The following HEG1 variants were observed in gnomAD, a reference collection of about 807,000 sequenced individuals.
The protein encoded by HEG1 is protein HEG homolog 1.
HEG1 carries 56 observed loss-of-function variants against 125.6 expected under a neutral mutation model. The observed-to-expected ratio is 0.45, with a 90% CI of 0.36 to 0.56. The LOEUF (loss-of-function observed/expected upper bound fraction) is 0.56. HEG1 is among the 20% of genes least tolerant of loss of function. The pLI, the probability that HEG1 is intolerant of heterozygous loss-of-function variation, is 0.00. For synonymous variants in HEG1, 644 were observed against 668.5 expected (o/e 0.96, Z 0.57); for missense variants, 1,523 against 1,670.0 (o/e 0.91, Z 1.53).
In HEG1 at chr3:124,969,232, A is replaced by T. The variant is rs1936380364; in HGVS notation, c.*1420T>A. The T allele has an allele frequency of 6.6e-6, 1 of 152,050 alleles. No individual in the cohort carries two copies. The highest frequency in any genetic ancestry group is 2.4e-5 in the African/African-American group (1 of 41,372). 9.4% of individuals were successfully genotyped at this position (152,050 alleles called of 1,614,324 possible). A position where few individuals can be genotyped will look rare whatever the true frequency, so the allele number is the denominator to read the frequency against. On this transcript the variant is annotated 3_prime_UTR_variant, in exon 17 of 17. Transcript: ENST00000311127. ...GATGCCCCAAAGAAGGCCAATAAAC[A>T]CAGTTCCCCAGGTGGCAATTAAAGA... is the stretch of plus-strand genomic sequence containing the variant.
chr3:124,995,528 A>G (rs1311466292), intron 12 of HEG1, among the ~76,000 whole-genome samples: 2 of 152,202 alleles, frequency 1.3e-5, no homozygotes, highest in Non-Finnish European at 2.9e-5. Flanking sequence ...AGTGATTTAG[A>G]AAACACACAC....
Position 125,001,872 on chromosome 3 carries a change from G to A in HEG1, c.3497C>T (p.Ser1166Phe), listed in dbSNP as rs1937004865. ...SSAEVCQLLG[S>F]QRRIFRAGSL... ...CTTACCTCTAAAGATCCGCCTCTGA[G>A]ATCCCAAGAGCTGGCAGACCTCAGC... is the stretch of plus-strand genomic sequence containing the variant. Residue 1166 changes from serine to phenylalanine, a missense_variant, in exon 11 of 17, where the codon TCT becomes TTT. By Grantham distance (155) the Ser-to-Phe change is radical (BLOSUM62 -2). Coordinates refer to ENST00000311127, the MANE Select transcript of HEG1 (RefSeq NM_020733.2). 1.2e-6 allele frequency: 2 copies of A among 1,613,220 alleles called. No homozygotes were observed. The highest frequency in any genetic ancestry group is 2.7e-5 in the African/African-American group (2 of 74,932).
intron 1 of HEG1, among the ~76,000 whole-genome samples, chr3:125,048,081 A>G (rs1419146154): frequency 6.6e-6 from 1 of 152,214 alleles, no homozygotes; most frequent in Non-Finnish European, 1.5e-5. Context: ...CCCCCGAGAC[A>G]TCCCAGGAAT....
At position 125,013,895 on chromosome 3, in the gene HEG1, T is replaced by A. The variant is rs114681156; in HGVS notation, c.1684A>T (p.Thr562Ser). 3,131 of 1,613,782 alleles carry A rather than the reference T, an allele frequency of 1.9e-3. 44 individuals are homozygous for A. In the African/African-American group the frequency reaches 0.035, roughly 18 times the overall value. The part of the protein sequence containing the change: ...TDHTYLSSTF[T>S]KGERALLSIT... ...GACAGTAACGCCCGTTCTCCTTTGG[T>A]GAAAGTAGATGACAGGTAGGTGTGG... Residue 562 changes from threonine (T) to serine (S), a missense_variant, in exon 6 of 17, where the codon ACC becomes TCC. By Grantham distance (58) the Thr-to-Ser change is moderately conservative (BLOSUM62 1). Coordinates refer to ENST00000311127, the MANE Select transcript of HEG1 (RefSeq NM_020733.2).
rs745353644 is a variant in HEG1 at position 125,019,366 on chromosome 3, G to A, written c.1484C>T (p.Ser495Phe). The A allele has an allele frequency of 6.2e-7, 1 of 1,614,018 alleles. No homozygotes were observed. Among genetic ancestry groups the A allele is most frequent in the South Asian group, 1.1e-5 (1 of 91,076 alleles). ...TCCCAATGCTGTGTGACTTCCTCCA[G>A]ACTGTACAGTAGAGTCTGAGAACTG... ...LTQFSDSTVQ[S>F]GGSHTALGDR... The change falls in exon 5 of 17, where the codon TCT (serine) becomes TTT (phenylalanine). Residue 495 changes from serine (S) to phenylalanine (F), a missense_variant. Coordinates refer to ENST00000311127, the MANE Select transcript of HEG1 (RefSeq NM_020733.2).
intron 1 of HEG1, among the ~76,000 whole-genome samples, chr3:125,031,711 CACACACACATACACACACAGGCACACAT>C (rs1331977289): frequency 6.7e-6 from 1 of 149,302 alleles, no homozygotes; most frequent in Non-Finnish European, 1.5e-5. Context: ...ATACCCCCCA[CACACACACATACACACACAGGCACACAT>C]ACACACACAT....
Position 125,005,361 on chromosome 3 carries a change from G to A in HEG1, c.3201C>T (p.Thr1067=). The A allele has an allele frequency of 1.3e-6, 2 of 1,545,730 alleles. No homozygotes were observed. The highest frequency in any genetic ancestry group is 1.8e-6 in the Non-Finnish European group (2 of 1,133,420). Residue 1067 remains threonine, a synonymous_variant, in exon 9 of 17, where the codon ACC becomes ACT. Coordinates refer to ENST00000311127, the MANE Select transcript of HEG1 (RefSeq NM_020733.2). ...LEKGICNLVR[T]FVTEFKLKRT... Reference sequence around the variant, plus strand: ...TCTTTAATTTAAACTCTGTCACGAAGGTTCTAACTGAAAATGAAAATGTAA... The same window carrying A: ...TCTTTAATTTAAACTCTGTCACGAAAGTTCTAACTGAAAATGAAAATGTAA...
intron 11 of HEG1, among the ~76,000 whole-genome samples, chr3:124,999,550 C>T (rs1378109648): frequency 6.6e-6 from 1 of 152,236 alleles, no homozygotes; most frequent in Non-Finnish European, 1.5e-5. Flanking sequence ...TTCCACCCTG[C>T]CCATTAATCC....
intron 16 of HEG1, 54 bp from the exon 17 acceptor site, chr3:124,970,855 T>A (rs757104096): frequency 2.0e-6 from 3 of 1,466,306 alleles, no homozygotes; most frequent in Admixed American, 3.8e-5. Context: ...TGGGTTTAAA[T>A]TGCAGTGTTA....
rs67009322 is a variant in HEG1, at chr3:124,987,924, TACACAC to T, written c.3733+2857_3733+2862del. ...TCTCTTCTGAAAGACTATATATGTGTACACACACACACACACACACACACACACATA... is the reference window on the plus strand; with the variant it reads ...TCTCTTCTGAAAGACTATATATGTGTACACACACACACACACACACACATA... On this transcript the variant is annotated intron_variant, in intron 14 of 16. Coordinates refer to ENST00000311127, the MANE Select transcript of HEG1 (RefSeq NM_020733.2). Among the ~76,000 whole-genome samples the T allele has an allele frequency of 7.4e-5, 5 of 67,654 alleles. 1 individual carries two copies. The highest frequency in any genetic ancestry group is 1.5e-4 in the African/African-American group (3 of 20,188). The allele number at this position is 67,654 out of a possible 152,430, so 44.4% of individuals were successfully genotyped here.
chr3:124,976,807 T>C (rs1936549927), intron 15 of HEG1, among the ~76,000 whole-genome samples: 1 of 152,152 alleles, frequency 6.6e-6, no homozygotes, highest in African/African-American at 2.4e-5. Flanking sequence ...CACCTCTTGC[T>C]TTCTTTCTCA....
intron 14 of HEG1, among the ~76,000 whole-genome samples, chr3:124,985,514 T>C (rs1254537747): frequency 2.0e-5 from 3 of 152,092 alleles, no homozygotes; most frequent in Non-Finnish European, 2.9e-5. Context: ...GTGCACGCCC[T>C]AAGAAAAGGG....
At position 125,019,606 on chromosome 3, in the gene HEG1, T is replaced by C; in HGVS notation, c.1253-9A>G. 1.9e-6 allele frequency: 3 copies of C among 1,591,522 alleles called. No individual in the cohort carries two copies. The highest frequency in any genetic ancestry group is 2.6e-6 in the Non-Finnish European group (3 of 1,162,394). On this transcript the variant is annotated splice_polypyrimidine_tract_variant and intron_variant, in intron 4 of 16. Coordinates refer to ENST00000311127, the MANE Select transcript of HEG1 (RefSeq NM_020733.2). ...CTGATGTTCTCCAAAGGCTGTAAGG[T>C]AATATAGGAAAAAAAGGCCATTACA...
chr3:125,013,508 T>C lies in HEG1; in HGVS notation c.2071A>G (p.Ile691Val), dbSNP rs779776908. Residue 691 changes from isoleucine (I) to valine (V), a missense_variant, in exon 6 of 17, where the codon ATT becomes GTT. Physicochemically the swap from Ile to Val is conservative, Grantham distance 29. Coordinates refer to ENST00000311127, the MANE Select transcript of HEG1 (RefSeq NM_020733.2). ...VSQSHHLFSS[I>V]LPSTRASVHL... Reference sequence around the variant, plus strand: ...ACAGAGGCCCTGGTTGATGGTAAAATTGATGAAAATAAATGGTGGGATTGT... The same window carrying C: ...ACAGAGGCCCTGGTTGATGGTAAAACTGATGAAAATAAATGGTGGGATTGT... The C allele has an allele frequency of 3.0e-5, 48 of 1,612,186 alleles. 1 individual carries two copies. The highest frequency in any genetic ancestry group is 1.6e-4 in the Middle Eastern group (1 of 6,080).
chr3:125,020,330 G>A (rs1937316614), intron 4 of HEG1, among the ~76,000 whole-genome samples: 1 of 152,226 alleles, frequency 6.6e-6, no homozygotes. Flanking sequence ...GGAGGCTAAG[G>A]TGAGAGATCA....
chr3:125,051,911 C>G (rs143014582), intron 1 of HEG1, among the ~76,000 whole-genome samples: 153 of 152,276 alleles, frequency 1.0e-3, no homozygotes, highest in Non-Finnish European at 1.5e-3. Context: ...ACCAGGAGGG[C>G]AGAGGCTCCT....
intron 14 of HEG1, among the ~76,000 whole-genome samples, chr3:124,983,033 T>C (rs1936680121): frequency 6.6e-6 from 1 of 152,206 alleles, no homozygotes; most frequent in Non-Finnish European, 1.5e-5. Context: ...GATGCAGTCA[T>C]GGCAACATGT....
In HEG1 at chr3:124,980,981, A is replaced by G. The variant is rs557166437; in HGVS notation, c.3734-3035T>C. 1.7e-4 allele frequency among the ~76,000 whole-genome samples: 26 copies of G among 151,814 alleles called. No homozygotes were observed. The South Asian group carries it at 4.6e-3, about 27-fold the overall frequency. Reference sequence around the variant, plus strand: ...GCAATCCTTCTGCCTCAGCCTGCCAAGCAGCTGGGACCACGGGCGCAACTA... The same window carrying G: ...GCAATCCTTCTGCCTCAGCCTGCCAGGCAGCTGGGACCACGGGCGCAACTA... On this transcript the variant is annotated intron_variant, in intron 14 of 16. Coordinates refer to ENST00000311127, the MANE Select transcript of HEG1 (RefSeq NM_020733.2).
At chr3:125,005,571 G>C (rs900006378) in intron 8 of HEG1, among the ~76,000 whole-genome samples, 6 of 152,102 alleles carry the variant, frequency 3.9e-5, no homozygotes, top group African/African-American at 1.4e-4. Flanking sequence ...TGTGCTGAAG[G>C]CTTAGATTGA....
Sources: allele counts gnomAD v4.1 joint callset (sites outside exome capture counted in the v4.1 genomes callset), GRCh38; gene constraint gnomAD v4.1.1; transcripts MANE v1.5; gene names NCBI Gene and HGNC (gene_info 2026-07-23, HGNC 2026-07-21).